MAP4K4: variants seen among roughly 807,000 people sequenced by gnomAD.
MAP4K4 encodes the protein mitogen-activated protein kinase kinase kinase kinase 4.
In MAP4K4, 38 loss-of-function variants were observed where a neutral mutation model predicts 189.6. The ratio of observed to expected loss-of-function variants is 0.20; its 90% CI spans 0.15 to 0.26. The LOEUF is 0.26. Among genes scored for constraint, MAP4K4 ranks in the 10% least tolerant of loss-of-function variants. The probability of loss-of-function intolerance (pLI) is 1.00; values close to 1 mark genes in which losing one functional copy is unlikely to be tolerated. For synonymous variants in MAP4K4, 610 were observed against 624.3 expected (o/e 0.98, Z 0.34); for missense variants, 1,054 against 1,726.9 (o/e 0.61, Z 6.91).
At chr2:101,890,090 T>G (rs1185330304) in intron 32 of MAP4K4, among the ~76,000 whole-genome samples, 2 of 152,234 alleles carry the variant, frequency 1.3e-5, no homozygotes, top group Non-Finnish European at 2.9e-5. Flanking sequence ...ATTTAAATAT[T>G]TTTATCATGC....
intron 3 of MAP4K4, among the ~76,000 whole-genome samples, chr2:101,812,792 C>T (rs539405649): frequency 1.1e-4 from 17 of 152,272 alleles, no homozygotes; most frequent in Admixed American, 9.8e-4. Flanking sequence ...ATAGCACCAA[C>T]TTGTCTTCTA....
intron 2 of MAP4K4, among the ~76,000 whole-genome samples, chr2:101,781,962 C>T (rs1009865634): frequency 1.3e-5 from 2 of 152,158 alleles, no homozygotes; most frequent in African/African-American, 4.8e-5. Context: ...ATGCAGAGCC[C>T]AGATGACTGG....
At chr2:101,745,644 C>T (rs1043847038) in intron 2 of MAP4K4, among the ~76,000 whole-genome samples, 4 of 152,018 alleles carry the variant, frequency 2.6e-5, no homozygotes, top group South Asian at 2.1e-4. Flanking sequence ...GAGTCTGAAG[C>T]GCCTTCTATT....
At chr2:101,816,783 G>A (rs1056987877) in intron 3 of MAP4K4, among the ~76,000 whole-genome samples, 2 of 152,174 alleles carry the variant, frequency 1.3e-5, no homozygotes, top group African/African-American at 4.8e-5. Flanking sequence ...GTTGAAGGCA[G>A]TTTAAACAGC....
chr2:101,720,102 A>G (rs892652722), intron 2 of MAP4K4, among the ~76,000 whole-genome samples: 2 of 152,134 alleles, frequency 1.3e-5, no homozygotes, highest in Non-Finnish European at 2.9e-5. Flanking sequence ...CAAGGAAAAA[A>G]AATGTCTGGA....
chr2:101,704,932 C>T (rs185406081), intron 2 of MAP4K4, among the ~76,000 whole-genome samples: 2 of 152,192 alleles, frequency 1.3e-5, no homozygotes, highest in East Asian at 3.9e-4. Context: ...GCTCACCAAA[C>T]AGAATTTGTT....
At chr2:101,811,812 T>C (rs1162156309) in intron 3 of MAP4K4, among the ~76,000 whole-genome samples, 1 of 152,188 alleles carries the variant, frequency 6.6e-6, no homozygotes, top group Non-Finnish European at 1.5e-5. Context: ...CTTCATTTTT[T>C]TGGGTAACAG....
At chr2:101,709,439 G>A (rs1022530856) in intron 2 of MAP4K4, among the ~76,000 whole-genome samples, 3 of 152,208 alleles carry the variant, frequency 2.0e-5, no homozygotes, top group African/African-American at 7.2e-5. Context: ...CTCACCTCAG[G>A]TGATCTGCCC....
At chr2:101,768,588 G>A (rs189165111) in intron 2 of MAP4K4, among the ~76,000 whole-genome samples, 82 of 152,114 alleles carry the variant, frequency 5.4e-4, no homozygotes, top group Non-Finnish European at 9.7e-4. Flanking sequence ...GTAGTAATAC[G>A]TCTTTTACCC....
intron 2 of MAP4K4, among the ~76,000 whole-genome samples, chr2:101,726,050 G>C (rs565014356): frequency 1.3e-5 from 2 of 152,132 alleles, no homozygotes; most frequent in Admixed American, 1.3e-4. Flanking sequence ...TAGCTTCACC[G>C]CTTCCTCAGG....
intron 3 of MAP4K4, among the ~76,000 whole-genome samples, chr2:101,799,608 A>G (rs1417300839): frequency 6.5e-5 from 9 of 137,992 alleles, no homozygotes. Flanking sequence ...TTCATTTTTG[A>G]TTTTTGTTTT....
intron 2 of MAP4K4, among the ~76,000 whole-genome samples, chr2:101,760,344 C>G (rs1446165187): frequency 6.6e-6 from 1 of 151,516 alleles, no homozygotes; most frequent in Non-Finnish European, 1.5e-5. Context: ...CAAAAATTAG[C>G]CAGATGTGGT....
chr2:101,856,277 G>A (rs943860602), intron 13 of MAP4K4, 139 bp downstream of exon 13: 7 of 743,000 alleles, frequency 9.4e-6, no homozygotes, highest in Non-Finnish European at 8.3e-6. Context: ...AACTTCAGAT[G>A]TATGAACGTG....
intron 2 of MAP4K4, among the ~76,000 whole-genome samples, chr2:101,779,438 G>A (rs2086124182): frequency 6.6e-6 from 1 of 152,076 alleles, no homozygotes; most frequent in Admixed American, 6.5e-5. Context: ...CTTTCATTGT[G>A]AATCTTATAC....
chr2:101,778,662 G>C (rs559339183), intron 2 of MAP4K4, among the ~76,000 whole-genome samples: 1 of 152,288 alleles, frequency 6.6e-6, no homozygotes, highest in East Asian at 1.9e-4. Context: ...CTGGCTGCCT[G>C]AAGGGCACCC....
At chr2:101,747,669 T>C (rs1374065316) in intron 2 of MAP4K4, among the ~76,000 whole-genome samples, 1 of 152,216 alleles carries the variant, frequency 6.6e-6, no homozygotes. Context: ...TATCTCTTTT[T>C]CCTTCCAAGG....
exon 33 of MAP4K4, chr2:101,892,954 C>A (rs1389437901): frequency 4.4e-6 from 2 of 456,266 alleles, no homozygotes; most frequent in Non-Finnish European, 8.8e-6. Flanking sequence ...GCTGCTTTAA[C>A]CTCAGTCATC....
At chr2:101,803,790 G>T (rs184639090) in intron 3 of MAP4K4, among the ~76,000 whole-genome samples, 46 of 152,196 alleles carry the variant, frequency 3.0e-4, no homozygotes, top group African/African-American at 1.0e-3. Context: ...TTAGAGAAAC[G>T]GACCCCCCCT....
chr2:101,778,332 T>C (rs1236448187), intron 2 of MAP4K4, among the ~76,000 whole-genome samples: 3 of 152,332 alleles, frequency 2.0e-5, no homozygotes, highest in African/African-American at 4.8e-5. Context: ...TCCAGCACAG[T>C]GTGCGGGGTC....
Sources: gnomAD v4.1 joint callset for allele counts (sites outside exome capture counted in the v4.1 genomes callset) on GRCh38, gnomAD v4.1.1 for gene constraint, MANE v1.5 for transcripts, NCBI Gene and HGNC (gene_info 2026-07-23, HGNC 2026-07-21) for gene names.